The following MTSS1 variants were observed in gnomAD, a reference collection of about 807,000 sequenced individuals.
MTSS1 encodes protein MTSS 1.
A neutral mutation model predicts 79.0 loss-of-function variants in MTSS1; 18 were observed. That is an observed-to-expected ratio of 0.23 (90% CI 0.16 to 0.34). The LOEUF (loss-of-function observed/expected upper bound fraction) is 0.34. Among genes scored for constraint, MTSS1 ranks in the 10% least tolerant of loss-of-function variants. MTSS1 has a pLI of 1.00. For synonymous variants in MTSS1, 341 were observed against 368.6 expected (o/e 0.93, Z 0.86); for missense variants, 815 against 986.2 (o/e 0.83, Z 2.33).
rs561002071 is a variant in MTSS1 at position 124,563,407 on chromosome 8, C to T, written c.825-415G>A. ...TCTGCCTGCAGGAACCATGAGCCTG[C>T]AGCAAAAGTCCACTGGGGCTTCAGC... On this transcript the variant is annotated intron_variant, in intron 9 of 13. Coordinates refer to ENST00000518547, the MANE Select transcript of MTSS1 (RefSeq NM_014751.6). The T allele has an allele frequency of 9.9e-4, 208 of 210,420 alleles. 1 individual carries two copies. The South Asian group carries it at 0.013, about 14-fold the overall frequency. The allele number at this position is 210,420 out of a possible 1,614,324, so 13.0% of individuals were successfully genotyped here.
intron 7 of MTSS1, chr8:124,567,825 G>C (rs1183059663): frequency 4.0e-6 from 6 of 1,511,010 alleles, no homozygotes; most frequent in Non-Finnish European, 5.3e-6. Context: ...GAAATGAGCT[G>C]GTACCTTCGA....
intron 6 of MTSS1, chr8:124,568,794 T>A: frequency 1.4e-6 from 2 of 1,447,432 alleles, no homozygotes; most frequent in South Asian, 3.0e-5. Flanking sequence ...CTTCATGACT[T>A]GCCTTCTCAC....
At chr8:124,619,932 T>TTTTTTTCTTTTCTTTTCTTTTC (rs1554676728) in intron 3 of MTSS1, among the ~76,000 whole-genome samples, 3 of 149,558 alleles carry the variant, frequency 2.0e-5, no homozygotes, top group African/African-American at 7.6e-5. Flanking sequence ...AGCACAACTG[T>TTTTTTTCTTTTCTTTTCTTTTC]TTTTCTTTTC....
At chr8:124,627,894 C>T (rs911708863) in intron 3 of MTSS1, among the ~76,000 whole-genome samples, 8 of 152,314 alleles carry the variant, frequency 5.3e-5, no homozygotes, top group African/African-American at 1.7e-4. Flanking sequence ...TGACTGGTCG[C>T]GGTGGCTCAC....
chr8:124,690,653 T>C (rs746402373), intron 3 of MTSS1, among the ~76,000 whole-genome samples: 4 of 152,160 alleles, frequency 2.6e-5, no homozygotes, highest in Non-Finnish European at 4.4e-5. Flanking sequence ...ACTTGTCAAA[T>C]GGGGAACAGT....
At chr8:124,610,882 T>C (rs1835673408) in intron 3 of MTSS1, among the ~76,000 whole-genome samples, 1 of 152,016 alleles carries the variant, frequency 6.6e-6, no homozygotes. Flanking sequence ...TTCTCCCAGG[T>C]CTCCAATACA....
chr8:124,668,045 G>A (rs764171708), intron 3 of MTSS1, among the ~76,000 whole-genome samples: 113 of 150,854 alleles, frequency 7.5e-4, no homozygotes, highest in Middle Eastern at 3.5e-3. Flanking sequence ...CCATGATCGC[G>A]CCACTGCACT....
In MTSS1 at chr8:124,677,193, A is replaced by T. The variant is rs571940011; in HGVS notation, c.208+22333T>A. Among the ~76,000 whole-genome samples the T allele has an allele frequency of 1.6e-4, 25 of 152,102 alleles. 1 individual carries two copies. The highest frequency in any genetic ancestry group is 3.4e-3 in the Middle Eastern group (1 of 294). ...CAAATCAGGAGGAGGCAGGGAGAAA[A>T]TTTTTTTTAAGATTAATCTTGAACA... On this transcript the variant is annotated intron_variant, in intron 3 of 13. Transcript: ENST00000518547.
At chr8:124,618,914 T>C (rs1812920603) in intron 3 of MTSS1, among the ~76,000 whole-genome samples, 3 of 152,246 alleles carry the variant, frequency 2.0e-5, no homozygotes, top group South Asian at 4.1e-4. Context: ...AACAGTGTCA[T>C]GGCTGGAAGA....
chr8:124,635,177 T>G (rs1816759063), intron 3 of MTSS1, among the ~76,000 whole-genome samples: 1 of 152,158 alleles, frequency 6.6e-6, no homozygotes, highest in Non-Finnish European at 1.5e-5. Flanking sequence ...TTCCTATAAG[T>G]AAAGTTCTTT....
At chr8:124,702,962 G>A (rs1829911101) in intron 2 of MTSS1, among the ~76,000 whole-genome samples, 1 of 152,154 alleles carries the variant, frequency 6.6e-6, no homozygotes, top group African/African-American at 2.4e-5. Context: ...ACAAGCACGA[G>A]ACTAGGCAAT....
chr8:124,668,654 C>T (rs1289077749), intron 3 of MTSS1, among the ~76,000 whole-genome samples: 3 of 152,092 alleles, frequency 2.0e-5, no homozygotes, highest in Non-Finnish European at 4.4e-5. Flanking sequence ...CTGAACGGGA[C>T]CAGAAAAGAA....
intron 1 of MTSS1, among the ~76,000 whole-genome samples, chr8:124,722,360 G>A (rs1252989830): frequency 6.6e-6 from 1 of 152,204 alleles, no homozygotes; most frequent in Non-Finnish European, 1.5e-5. Flanking sequence ...AAATCGGGAA[G>A]CAGGCGAGAT....
At chr8:124,673,031 G>C (rs1036833723) in intron 3 of MTSS1, among the ~76,000 whole-genome samples, 3 of 152,030 alleles carry the variant, frequency 2.0e-5, no homozygotes, top group Non-Finnish European at 4.4e-5. Context: ...TTTCCTTCAG[G>C]GTAACCCCAA....
chr8:124,718,523 C>T (rs542405723), intron 1 of MTSS1, among the ~76,000 whole-genome samples: 13 of 152,180 alleles, frequency 8.5e-5, no homozygotes, highest in African/African-American at 2.7e-4. Context: ...ATCCTGCTGC[C>T]GAGCGGGCTT....
At chr8:124,699,648 A>C in intron 2 of MTSS1, 49 bp from the exon 3 acceptor site, 1 of 1,555,112 alleles carries the variant, frequency 6.4e-7, no homozygotes, top group Non-Finnish European at 8.9e-7. Flanking sequence ...TCTCCCTAGC[A>C]AATTCATTAC....
chr8:124,688,545 A>G (rs1490397818), intron 3 of MTSS1, among the ~76,000 whole-genome samples: 1 of 152,206 alleles, frequency 6.6e-6, no homozygotes, highest in East Asian at 1.9e-4. Flanking sequence ...CCCCCTTCCA[A>G]AGAGCTAAAA....
At chr8:124,593,806 C>T (rs752330528) in intron 3 of MTSS1, among the ~76,000 whole-genome samples, 6 of 152,158 alleles carry the variant, frequency 3.9e-5, no homozygotes, top group South Asian at 2.1e-4. Flanking sequence ...TAAGCTCCAG[C>T]GTCAATGCAT....
intron 1 of MTSS1, among the ~76,000 whole-genome samples, chr8:124,709,498 C>G (rs1183782420): frequency 1.3e-5 from 2 of 152,194 alleles, no homozygotes; most frequent in Non-Finnish European, 2.9e-5. Context: ...CGGCTTCTGC[C>G]AAGTCCAAAG....
Sources: allele counts gnomAD v4.1 joint callset (sites outside exome capture counted in the v4.1 genomes callset), GRCh38; gene constraint gnomAD v4.1.1; transcripts MANE v1.5; gene names NCBI Gene and HGNC (gene_info 2026-07-23, HGNC 2026-07-21).